The following SFMBT2 variants were observed in gnomAD, a reference collection of about 807,000 sequenced individuals.
SFMBT2 encodes the protein Scm like with four mbt domains 2, also known as scm-like with four MBT domains protein 2.
Under a neutral mutation model 110.1 loss-of-function variants are expected in SFMBT2, and 38 were observed. The ratio of observed to expected loss-of-function variants is 0.35; its 90% CI spans 0.27 to 0.45. The LOEUF (loss-of-function observed/expected upper bound fraction) is 0.45, where lower values mean the gene tolerates loss of function less well. SFMBT2 is among the 20% of genes least tolerant of loss of function. The pLI, the probability that SFMBT2 is intolerant of heterozygous loss-of-function variation, is 1.00. For missense variants in SFMBT2, 1,011 were observed against 1,094.9 expected (o/e 0.92, Z 1.08); for synonymous variants, 425 against 425.4 (o/e 1.00, Z 0.01).
At chr10:7,191,977 TATG>T (rs1212409989) in intron 15 of SFMBT2, among the ~76,000 whole-genome samples, 1 of 152,126 alleles carries the variant, frequency 6.6e-6, no homozygotes, top group Non-Finnish European at 1.5e-5. Context: ...TATCCTATGC[TATG>T]ATAAGAAAGT....
intron 12 of SFMBT2, chr10:7,203,897 A>C (rs1341945781): frequency 6.5e-6 from 1 of 154,546 alleles, no homozygotes; most frequent in Non-Finnish European, 1.4e-5. Context: ...TTGTATTTTT[A>C]GTAGAGATGG....
rs951624783 is a variant in SFMBT2, at chr10:7,206,948, G to C, written c.1331-1020C>G. ...CCAAGATGAAGATAACACAGTGGCCGGGTGTGGTGGCTCATGACTGTAATC... is the reference window on the plus strand; with the variant it reads ...CCAAGATGAAGATAACACAGTGGCCCGGTGTGGTGGCTCATGACTGTAATC... On this transcript the variant is annotated intron_variant, in intron 11 of 20. Transcript: ENST00000397167. 3.0e-6 allele frequency: 3 copies of C among 985,304 alleles called. No individual in the cohort carries two copies. In the African/African-American group the frequency reaches 5.2e-5, roughly 17 times the overall value. 61.0% of individuals were successfully genotyped at this position (985,304 alleles called of 1,614,324 possible).
chr10:7,410,981 T>A lies in SFMBT2; in HGVS notation c.-172A>T, dbSNP rs1052674541. 7.1e-6 allele frequency among the ~76,000 whole-genome samples: 1 copy of A among 139,988 alleles called. No individual in the cohort carries two copies. Among genetic ancestry groups the A allele is most frequent in the Non-Finnish European group, 1.5e-5 (1 of 65,288 alleles). 91.8% of individuals were successfully genotyped at this position (139,988 alleles called of 152,430 possible). A position where few individuals can be genotyped will look rare whatever the true frequency, so the allele number is the denominator to read the frequency against. On this transcript the variant is annotated 5_prime_UTR_variant, in exon 1 of 21. Coordinates refer to ENST00000397167, the MANE Select transcript of SFMBT2 (RefSeq NM_001387889.1). Reference sequence around the variant, plus strand: ...GCCCGCTCGCTCCCCGCCCGCCGCCTCCCTCGCGCGCCCGCTCCGGTCCTC... The same window carrying A: ...GCCCGCTCGCTCCCCGCCCGCCGCCACCCTCGCGCGCCCGCTCCGGTCCTC...
intron 9 of SFMBT2, among the ~76,000 whole-genome samples, chr10:7,229,819 C>T (rs188483051): frequency 4.3e-4 from 65 of 150,704 alleles, no homozygotes; most frequent in African/African-American, 1.5e-3. Flanking sequence ...CTCCTGGGTT[C>T]AAGCAATTCT....
chr10:7,313,006 A>G (rs530085651), intron 4 of SFMBT2, among the ~76,000 whole-genome samples: 79 of 152,192 alleles, frequency 5.2e-4, no homozygotes, highest in African/African-American at 1.8e-3. Flanking sequence ...AACTAAATAA[A>G]ACACTGAGTT....
chr10:7,218,040 T>C (rs952395157), intron 11 of SFMBT2, among the ~76,000 whole-genome samples: 2 of 152,236 alleles, frequency 1.3e-5, no homozygotes, highest in Admixed American at 6.5e-5. Flanking sequence ...AGATATTAAC[T>C]AGAAAGAATT....
intron 20 of SFMBT2, among the ~76,000 whole-genome samples, chr10:7,168,506 G>T (rs983426642): frequency 3.3e-5 from 5 of 152,118 alleles, no homozygotes; most frequent in Admixed American, 3.3e-4. Flanking sequence ...GACTGAATCG[G>T]TGTATGTTGA....
In SFMBT2 at chr10:7,259,584, T is replaced by C. The variant is rs561732908; in HGVS notation, c.871-10935A>G. 1.4e-4 allele frequency among the ~76,000 whole-genome samples: 21 copies of C among 152,360 alleles called. No homozygotes were observed. The East Asian group carries it at 3.5e-3, about 25-fold the overall frequency. On this transcript the variant is annotated intron_variant, in intron 7 of 20. Transcript: ENST00000397167. ...TGAAATGTCTCCTGGCTTTGCCACA[T>C]GTCCACTGAAGGGCACATGCCCCTG...
At chr10:7,360,771 A>G (rs1430922389) in intron 4 of SFMBT2, among the ~76,000 whole-genome samples, 1 of 152,214 alleles carries the variant, frequency 6.6e-6, no homozygotes, top group South Asian at 2.1e-4. Flanking sequence ...CTACACCATG[A>G]TGAATGTGTA....
At chr10:7,284,233 T>C in intron 5 of SFMBT2, 83 bp from the exon 6 acceptor site, 1 of 1,546,694 alleles carries the variant, frequency 6.5e-7, no homozygotes, top group South Asian at 1.3e-5. Flanking sequence ...AAGATAATAT[T>C]TTTTCACACC....
At chr10:7,392,392 G>A (rs1845793136) in intron 1 of SFMBT2, among the ~76,000 whole-genome samples, 1 of 152,116 alleles carries the variant, frequency 6.6e-6, no homozygotes, top group Non-Finnish European at 1.5e-5. Context: ...GCACACACCT[G>A]TAATCCCAGC....
At chr10:7,332,798 G>C (rs1209905654) in intron 4 of SFMBT2, among the ~76,000 whole-genome samples, 1 of 152,244 alleles carries the variant, frequency 6.6e-6, no homozygotes, top group African/African-American at 2.4e-5. Context: ...CAGCACCTTG[G>C]AAGCCTTAAC....
chr10:7,278,078 G>C (rs1482608261), intron 6 of SFMBT2, among the ~76,000 whole-genome samples: 1 of 152,188 alleles, frequency 6.6e-6, no homozygotes, highest in African/African-American at 2.4e-5. Flanking sequence ...GACACACAAA[G>C]GGTAATTCAC....
intron 7 of SFMBT2, among the ~76,000 whole-genome samples, chr10:7,254,597 G>A (rs1054128643): frequency 3.3e-5 from 5 of 152,026 alleles, no homozygotes; most frequent in Non-Finnish European, 7.4e-5. Flanking sequence ...TGAGACAGGC[G>A]GATCATGAGG....
At chr10:7,281,319 G>A (rs1342930757) in intron 6 of SFMBT2, among the ~76,000 whole-genome samples, 1 of 152,166 alleles carries the variant, frequency 6.6e-6, no homozygotes, top group Non-Finnish European at 1.5e-5. Context: ...GTTAGTGGGA[G>A]TGCAGAGCAG....
At chr10:7,304,163 T>C (rs1842631095) in intron 4 of SFMBT2, among the ~76,000 whole-genome samples, 1 of 152,170 alleles carries the variant, frequency 6.6e-6, no homozygotes, top group African/African-American at 2.4e-5. Context: ...GCTCCCACAA[T>C]TCACTTGTGT....
chr10:7,328,890 T>C (rs1430686009), intron 4 of SFMBT2, among the ~76,000 whole-genome samples: 1 of 152,214 alleles, frequency 6.6e-6, no homozygotes, highest in African/African-American at 2.4e-5. Context: ...ATTTCTACTA[T>C]ACAGGAGCAG....
At chr10:7,263,019 T>C (rs1416433892) in intron 7 of SFMBT2, among the ~76,000 whole-genome samples, 1 of 152,136 alleles carries the variant, frequency 6.6e-6, no homozygotes, top group Non-Finnish European at 1.5e-5. Flanking sequence ...TCTTCAAGTC[T>C]GTAAAGAAAC....
intron 7 of SFMBT2, among the ~76,000 whole-genome samples, chr10:7,264,554 G>A (rs1015331223): frequency 1.3e-5 from 2 of 152,148 alleles, no homozygotes; most frequent in Non-Finnish European, 1.5e-5. Flanking sequence ...TGGTCAGGGA[G>A]GTGATAAGAG....
Sources: allele counts gnomAD v4.1 joint callset (sites outside exome capture counted in the v4.1 genomes callset), GRCh38; gene constraint gnomAD v4.1.1; transcripts MANE v1.5; gene names NCBI Gene and HGNC (gene_info 2026-07-23, HGNC 2026-07-21).